The following ELP1 variants were observed in gnomAD, a reference collection of about 807,000 sequenced individuals.
ELP1 encodes the protein elongator acetyltransferase complex subunit 1.
In ELP1, 131 loss-of-function variants were observed where a neutral mutation model predicts 183.2. The ratio of observed to expected loss-of-function variants is 0.72; its 90% confidence interval spans 0.62 to 0.83. The LOEUF is 0.83. ELP1 is among the 40% of genes least tolerant of loss of function. The pLI is 0.00. For missense variants in ELP1, 1,550 were observed against 1,594.9 expected (o/e 0.97, Z 0.48); for synonymous variants, 555 against 569.0 (o/e 0.98, Z 0.35).
chr9:108,896,476 A>C lies in ELP1; in HGVS notation c.2736+20T>G. ...ATATAAACAAGAACCAAATGGCATA[A>C]AAGTAAGAACTCCACATACCTTCTG... On this transcript the variant is annotated intron_variant, in intron 25 of 36. Transcript: ENST00000374647. 1 of 1,613,338 alleles carries C rather than the reference A, an allele frequency of 6.2e-7. No individual in the cohort carries two copies. Among genetic ancestry groups the C allele is most frequent in the Non-Finnish European group, 8.5e-7 (1 of 1,179,296 alleles).
intron 6 of ELP1, among the ~76,000 whole-genome samples, chr9:108,920,403 T>C (rs1437834751): frequency 6.6e-6 from 1 of 152,080 alleles, no homozygotes; most frequent in East Asian, 1.9e-4. Context: ...TACCTTAGCT[T>C]CTCAAGTAGC....
intron 18 of ELP1, 38 bp downstream of exon 18, chr9:108,901,387 A>G (rs753891302): frequency 2.8e-6 from 4 of 1,410,334 alleles, no homozygotes; most frequent in Non-Finnish European, 3.0e-6. Context: ...AAGACATTGG[A>G]GAAGGGACCA....
rs1390540170 is a variant in ELP1, at chr9:108,916,430, C to T, written c.865-133G>A. 1.6e-5 allele frequency: 12 copies of T among 740,438 alleles called. 1 individual carries two copies. Among genetic ancestry groups the T allele is most frequent in the African/African-American group, 1.4e-4 (8 of 57,684 alleles). 45.9% of individuals were successfully genotyped at this position (740,438 alleles called of 1,614,324 possible). Reference sequence around the variant, plus strand: ...CTCATCCCTAGCTGTAAATCACTAACCTACAGAGGCATTAAACAAATCTGT... The same window carrying T: ...CTCATCCCTAGCTGTAAATCACTAATCTACAGAGGCATTAAACAAATCTGT... On this transcript the variant is annotated intron_variant, in intron 9 of 36. Coordinates refer to ENST00000374647, the MANE Select transcript of ELP1 (RefSeq NM_003640.5).
chr9:108,923,826 T>C (rs1304535573), intron 5 of ELP1, among the ~76,000 whole-genome samples: 1 of 152,232 alleles, frequency 6.6e-6, no homozygotes, highest in Non-Finnish European at 1.5e-5. Flanking sequence ...CTTCTGTTCC[T>C]GGAGGTAGGA....
chr9:108,898,343 C>T lies in ELP1; in HGVS notation c.2363+159G>A, dbSNP rs2275628. Among the ~76,000 whole-genome samples the T allele has an allele frequency of 1.5e-4, 23 of 151,938 alleles. No individual in the cohort carries two copies. In the South Asian group the frequency reaches 3.3e-3, roughly 22 times the overall value. ...TTTAAACAGGCTGTTTTAAAAAGAA[C>T]GGAAAAGAGCAAAAAACCAACTGGC... On this transcript the variant is annotated intron_variant, in intron 22 of 36. Transcript: ENST00000374647.
At chr9:108,888,365 T>G (rs1828206072) in intron 29 of ELP1, among the ~76,000 whole-genome samples, 1 of 152,200 alleles carries the variant, frequency 6.6e-6, no homozygotes, top group African/African-American at 2.4e-5. Flanking sequence ...TGTACTGAAT[T>G]CTTCATCTAA....
At position 108,908,407 on chromosome 9, in the gene ELP1, G is replaced by A. The variant is rs1829095177; in HGVS notation, c.1361-3C>T. ...AGGGTCAGCACTTGGACAATCACCTGGAAAACAAAAATGCAAATATTATCA... is the reference window on the plus strand; with the variant it reads ...AGGGTCAGCACTTGGACAATCACCTAGAAAACAAAAATGCAAATATTATCA... On this transcript the variant is annotated splice_region_variant and splice_polypyrimidine_tract_variant and intron_variant, in intron 12 of 36. Coordinates refer to ENST00000374647, the MANE Select transcript of ELP1 (RefSeq NM_003640.5). 2.5e-6 allele frequency: 4 copies of A among 1,611,332 alleles called. No individual in the cohort carries two copies. Among genetic ancestry groups the A allele is most frequent in the Non-Finnish European group, 3.4e-6 (4 of 1,177,572 alleles).
intron 14 of ELP1, among the ~76,000 whole-genome samples, chr9:108,903,873 G>A (rs191000842): frequency 2.6e-5 from 4 of 151,318 alleles, no homozygotes; most frequent in Middle Eastern, 3.4e-3. Flanking sequence ...AGAGACAGAC[G>A]GTTAGATGAA....
At chr9:108,919,228 G>A (rs1432332857) in intron 7 of ELP1, 25 bp downstream of exon 7, 6 of 1,530,318 alleles carry the variant, frequency 3.9e-6, no homozygotes, top group Non-Finnish European at 5.4e-6. Flanking sequence ...TTTTATTGTT[G>A]TTTAACTGCA....
chr9:108,876,295 A>G (rs1289232464), intron 35 of ELP1, among the ~76,000 whole-genome samples: 1 of 152,164 alleles, frequency 6.6e-6, no homozygotes, highest in Non-Finnish European at 1.5e-5. Context: ...AATTATCTTC[A>G]AAAGTACTAC....
chr9:108,892,487 G>A (rs1156567689), intron 27 of ELP1, among the ~76,000 whole-genome samples: 1 of 152,190 alleles, frequency 6.6e-6, no homozygotes, highest in Non-Finnish European at 1.5e-5. Flanking sequence ...CAGGCAGCCT[G>A]GGCTCTGTAT....
intron 29 of ELP1, among the ~76,000 whole-genome samples, chr9:108,883,997 AT>A (rs199971316): frequency 1.8e-4 from 27 of 151,930 alleles, no homozygotes; most frequent in African/African-American, 6.3e-4. Flanking sequence ...GTCAAATTAG[AT>A]TTAAAAAAAA....
In ELP1 at chr9:108,903,579, T is replaced by A. The variant is rs1828897779; in HGVS notation, c.1734A>T (p.Ile578=). 1 of 1,612,102 alleles carries A rather than the reference T, an allele frequency of 6.2e-7. No individual in the cohort carries two copies. The highest frequency in any genetic ancestry group is 8.5e-7 in the Non-Finnish European group (1 of 1,178,370). Residue 578 remains isoleucine, a synonymous_variant, in exon 15 of 37, where the codon ATA becomes ATT. Coordinates refer to ENST00000374647, the MANE Select transcript of ELP1 (RefSeq NM_003640.5). ...GATACTCACCCCAAAGGTACTTAAA[T>A]ATCTGGCCATCAGCCAGCTGTAATA... ...SVVLQLADGQ[I]FKYLWESPSL...
chr9:108,871,800 T>A (rs1233303753), intron 36 of ELP1, among the ~76,000 whole-genome samples: 1 of 152,260 alleles, frequency 6.6e-6, no homozygotes, highest in African/African-American at 2.4e-5. Flanking sequence ...GCCTTTCTCA[T>A]AGCAATCCTG....
In ELP1 at chr9:108,930,863, T is replaced by C. The variant is rs1014262642; in HGVS notation, c.150+134A>G. 26 of 846,448 alleles carry C rather than the reference T, an allele frequency of 3.1e-5. No individual in the cohort carries two copies. The African/African-American group carries it at 3.5e-4, about 12-fold the overall frequency. 52.4% of individuals were successfully genotyped at this position (846,448 alleles called of 1,614,324 possible). ...AGCTATGTCTAACATGGCATATATATGAAGCAAAAGATGTTTATTTGGGAG... is the reference window on the plus strand; with the variant it reads ...AGCTATGTCTAACATGGCATATATACGAAGCAAAAGATGTTTATTTGGGAG... On this transcript the variant is annotated intron_variant, in intron 2 of 36. Transcript: ENST00000374647.
intron 29 of ELP1, among the ~76,000 whole-genome samples, chr9:108,888,951 A>G (rs1183871720): frequency 1.3e-5 from 2 of 152,190 alleles, no homozygotes. Context: ...AGACATTTCC[A>G]ATAGGGAGAA....
intron 7 of ELP1, 73 bp downstream of exon 7, chr9:108,919,180 G>T (rs555765271): frequency 7.9e-5 from 84 of 1,067,880 alleles, no homozygotes; most frequent in Non-Finnish European, 1.1e-4. Context: ...CAAAGCAAAA[G>T]AAAGAAAATT....
At chr9:108,896,724 C>T in intron 24 of ELP1, 80 bp from the exon 25 acceptor site, 1 of 1,403,964 alleles carries the variant, frequency 7.1e-7, no homozygotes, top group Non-Finnish European at 1.0e-6. Flanking sequence ...ACCAAAAAGA[C>T]AATAAATTTT....
chr9:108,929,671 G>A lies in ELP1; in HGVS notation c.303+98C>T, dbSNP rs552338010. 7 of 1,208,526 alleles carry A rather than the reference G, an allele frequency of 5.8e-6. No individual in the cohort carries two copies. In the East Asian group the frequency reaches 9.4e-5, roughly 16 times the overall value. 74.9% of individuals were successfully genotyped at this position (1,208,526 alleles called of 1,614,324 possible). A position where few individuals can be genotyped will look rare whatever the true frequency, so the allele number is the denominator to read the frequency against. ...AATGCAAAAATTAATTAGCAAAAGT[G>A]TAACTATTATGGCTACTGATTTGAA... On this transcript the variant is annotated intron_variant, in intron 3 of 36. Coordinates refer to ENST00000374647, the MANE Select transcript of ELP1 (RefSeq NM_003640.5).
Sources: allele counts gnomAD v4.1 joint callset (sites outside exome capture counted in the v4.1 genomes callset), GRCh38; gene constraint gnomAD v4.1.1; transcripts MANE v1.5; gene names NCBI Gene and HGNC (gene_info 2026-07-23, HGNC 2026-07-21).